Variants in CELSR1 observed in about 807,000 individuals in gnomAD.
The protein encoded by CELSR1 is adhesion G protein-coupled receptor C1.
In CELSR1, 110 loss-of-function variants were observed where a neutral mutation model predicts 249.1. The ratio of observed to expected loss-of-function variants is 0.44; its 90% CI spans 0.38 to 0.52. The LOEUF is 0.52. CELSR1 is among the 20% of genes least tolerant of loss of function. CELSR1 has a pLI of 0.00. For synonymous variants in CELSR1, 2,113 were observed against 1,900.0 expected (o/e 1.11, Z -2.92); for missense variants, 4,109 against 4,296.4 (o/e 0.96, Z 1.22).
intron 2 of CELSR1, among the ~76,000 whole-genome samples, chr22:46,457,316 GC>G (rs1294987116): frequency 6.6e-6 from 1 of 152,010 alleles, no homozygotes; most frequent in Non-Finnish European, 1.5e-5. Context: ...CTGCACTCCA[GC>G]CCGGGCAACA....
intron 24 of CELSR1, among the ~76,000 whole-genome samples, 171 bp downstream of exon 24, chr22:46,376,890 A>G (rs1303976016): frequency 6.6e-6 from 1 of 151,848 alleles, no homozygotes; most frequent in Admixed American, 6.5e-5. Context: ...TGAATCCCAC[A>G]TCTCCACCCA....
rs1240223329 is a variant in CELSR1, at chr22:46,430,143, G to A, written c.4611+3250C>T. Among the ~76,000 whole-genome samples the A allele has an allele frequency of 6.6e-6, 1 of 152,196 alleles. No homozygotes were observed. Among genetic ancestry groups the A allele is most frequent in the African/African-American group, 2.4e-5 (1 of 41,442 alleles). The stretch of plus-strand genomic sequence containing the variant: ...TCATGCTCAGATCTAAAATGCAGGT[G>A]GCCCACACCTCAGAGACACAGCCAC... On this transcript the variant is annotated intron_variant, in intron 5 of 34. Coordinates refer to ENST00000674500, the MANE Select transcript of CELSR1 (RefSeq NM_001378328.1). The surrounding 1 kb of genome is among the most constrained non-coding windows in gnomAD (Gnocchi z 4.6).
intron 2 of CELSR1, among the ~76,000 whole-genome samples, chr22:46,452,335 C>T (rs2079895469): frequency 1.3e-5 from 2 of 152,268 alleles, no homozygotes; most frequent in Non-Finnish European, 2.9e-5. Flanking sequence ...CTTATGGCAC[C>T]GGGAAGACAG....
chr22:46,408,604 G>A lies in CELSR1; in HGVS notation c.5226+392C>T, dbSNP rs2079293305. On this transcript the variant is annotated intron_variant, in intron 9 of 34. Coordinates refer to ENST00000674500, the MANE Select transcript of CELSR1 (RefSeq NM_001378328.1). This position sits in a 1 kb window ranked among gnomAD's most constrained non-coding sequence, Gnocchi z 4.6. ...CCGGCCTCCGCCACCCAAAGTGTTGGGATTACAGGCATGAGCCACCACCCC... is the reference window on the plus strand; with the variant it reads ...CCGGCCTCCGCCACCCAAAGTGTTGAGATTACAGGCATGAGCCACCACCCC... 6.6e-6 allele frequency among the ~76,000 whole-genome samples: 1 copy of A among 152,182 alleles called. No individual in the cohort carries two copies. The highest frequency in any genetic ancestry group is 1.5e-5 in the Non-Finnish European group (1 of 68,026).
rs1461079267 is a variant in CELSR1, at chr22:46,464,355, C to T, written c.3545-10G>A. The T allele has an allele frequency of 6.2e-7, 1 of 1,604,470 alleles. No individual in the cohort carries two copies. The highest frequency in any genetic ancestry group is 1.1e-5 in the South Asian group (1 of 90,270). On this transcript the variant is annotated splice_polypyrimidine_tract_variant and intron_variant, in intron 1 of 34. Transcript: ENST00000674500. This position sits in a 1 kb window ranked among gnomAD's most constrained non-coding sequence, Gnocchi z 8.5. Reference sequence around the variant, plus strand: ...ACGCTGTGGATGCCATCTGCAGACACAAGGAAAGTCAGGGTCATTCAGATG... The same window carrying T: ...ACGCTGTGGATGCCATCTGCAGACATAAGGAAAGTCAGGGTCATTCAGATG...
At chr22:46,499,987 A>C (rs2080450824) in intron 1 of CELSR1, among the ~76,000 whole-genome samples, 5 of 151,654 alleles carry the variant, frequency 3.3e-5, no homozygotes, top group Admixed American at 2.6e-4. Context: ...CTGAATGTCC[A>C]TTTCCACCCC....
intron 1 of CELSR1, among the ~76,000 whole-genome samples, chr22:46,492,075 G>A (rs530240845): frequency 6.6e-6 from 1 of 152,224 alleles, no homozygotes; most frequent in South Asian, 2.1e-4. Context: ...CAACTGCCAC[G>A]AGAAGGCAAC....
chr22:46,418,953 C>T (rs1044702555), intron 5 of CELSR1, among the ~76,000 whole-genome samples: 1 of 152,154 alleles, frequency 6.6e-6, no homozygotes, highest in Admixed American at 6.5e-5. Context: ...GGCAGGAGTC[C>T]CCTGGGCATG....
intron 1 of CELSR1, among the ~76,000 whole-genome samples, chr22:46,504,042 A>G (rs5767233): frequency 0.77 from 116,768 of 151,744 alleles, 45,304 homozygotes; most frequent in East Asian, 0.98. Flanking sequence ...AAGAAGAGAA[A>G]AAGAAAAACA....
At chr22:46,443,180 G>C (rs1478049588) in intron 2 of CELSR1, among the ~76,000 whole-genome samples, 2 of 152,200 alleles carry the variant, frequency 1.3e-5, no homozygotes, top group African/African-American at 2.4e-5. Flanking sequence ...TCGAGAACGA[G>C]GAGGGCTGAA....
In CELSR1 at chr22:46,409,029, G is replaced by A. The variant is rs1369295947; in HGVS notation, c.5193C>T (p.Ala1731=). The change falls in exon 9 of 35, where the codon GCC becomes GCT. Residue 1731 remains alanine, a synonymous_variant. Transcript: ENST00000674500. The surrounding 1 kb of genome is among the most constrained non-coding windows in gnomAD (Gnocchi z 9.8). ...TRKEDSVLME[A]TSGGPTSFRL... ...GAAAGCTGGTGGGCCCACCACTGGT[G>A]GCCTCCATCAGAACGCTGTCCTCCT... 3 of 1,612,152 alleles carry A rather than the reference G, an allele frequency of 1.9e-6. No individual in the cohort carries two copies. The highest frequency in any genetic ancestry group is 8.5e-7 in the Non-Finnish European group (1 of 1,179,380).
chr22:46,511,503 C>T (rs571990287), intron 1 of CELSR1, among the ~76,000 whole-genome samples: 6 of 152,348 alleles, frequency 3.9e-5, no homozygotes, highest in African/African-American at 1.4e-4. Flanking sequence ...AGTGACTGTG[C>T]TGAGCTTCTT....
intron 28 of CELSR1, 81 bp from the exon 29 acceptor site, chr22:46,367,199 TACAGCCTTGAGTGC>T (rs2078795364): frequency 1.3e-6 from 2 of 1,519,746 alleles, no homozygotes; most frequent in East Asian, 4.7e-5. Flanking sequence ...CAGATGCGCA[TACAGCCTTGAGTGC>T]ACACAACATG....
chr22:46,407,428 G>A lies in CELSR1; in HGVS notation c.5226+1568C>T, dbSNP rs188025333. Among the ~76,000 whole-genome samples the A allele has an allele frequency of 3.7e-4, 56 of 152,200 alleles. 5 individuals carry two copies. In the East Asian group the frequency reaches 5.0e-3, roughly 14 times the overall value. ...GTGGATCACCTGAGGTCAGGAGTTC[G>A]AGACCAGCCTGGTCAACATAGCAAA... On this transcript the variant is annotated intron_variant, in intron 9 of 34. Transcript: ENST00000674500. This position sits in a 1 kb window ranked among gnomAD's most constrained non-coding sequence, Gnocchi z 4.8.
Position 46,437,585 on chromosome 22 carries a change from T to C in CELSR1, c.4407-1296A>G, listed in dbSNP as rs2079678534. ...GGCCAACATGGTGAAACCCCGTCTC[T>C]ACTAAAAATACGAAAATTAGCCGGG... On this transcript the variant is annotated intron_variant, in intron 3 of 34. Coordinates refer to ENST00000674500, the MANE Select transcript of CELSR1 (RefSeq NM_001378328.1). The surrounding 1 kb of genome is among the most constrained non-coding windows in gnomAD (Gnocchi z 4.9). Among the ~76,000 whole-genome samples the C allele has an allele frequency of 6.6e-6, 1 of 152,078 alleles. No homozygotes were observed. The highest frequency in any genetic ancestry group is 1.5e-5 in the Non-Finnish European group (1 of 68,024).
chr22:46,438,080 C>T (rs762400769), intron 3 of CELSR1, among the ~76,000 whole-genome samples: 3 of 152,026 alleles, frequency 2.0e-5, no homozygotes, highest in Admixed American at 6.6e-5. Flanking sequence ...ACACGTACAC[C>T]GCTGGCGACG....
rs956920284 is a variant in CELSR1 at position 46,506,293 on chromosome 22, G to T, written c.3544+27334C>A. 6.6e-6 allele frequency among the ~76,000 whole-genome samples: 1 copy of T among 152,188 alleles called. No individual in the cohort carries two copies. Among genetic ancestry groups the T allele is most frequent in the Non-Finnish European group, 1.5e-5 (1 of 68,028 alleles). The stretch of plus-strand genomic sequence containing the variant: ...ACCCGCCATGATCCCTCCAAGCCTG[G>T]CACCTCCACCGTGCCTGGCCTGGGG... On this transcript the variant is annotated intron_variant, in intron 1 of 34. Coordinates refer to ENST00000674500, the MANE Select transcript of CELSR1 (RefSeq NM_001378328.1). The surrounding 1 kb of genome is among the most constrained non-coding windows in gnomAD (Gnocchi z 4.1).
Position 46,361,488 on chromosome 22 carries a change from A to T in CELSR1, c.*1735T>A, listed in dbSNP as rs1176038024. ...AGTCATGAAAGGAGACTGTTCGAAG[A>T]CTTAAAAACCTTTTCGTACTTAGGA... On this transcript the variant is annotated 3_prime_UTR_variant, in exon 35 of 35. Coordinates refer to ENST00000674500, the MANE Select transcript of CELSR1 (RefSeq NM_001378328.1). The T allele has an allele frequency of 1.3e-5, 2 of 152,342 alleles. No individual in the cohort carries two copies. Among genetic ancestry groups the T allele is most frequent in the African/African-American group, 4.8e-5 (2 of 41,470 alleles). The allele number at this position is 152,342 out of a possible 1,614,324, so 9.4% of individuals were successfully genotyped here.
At chr22:46,369,050 C>T (rs1050079106) in intron 27 of CELSR1, 129 bp downstream of exon 27, 2 of 811,340 alleles carry the variant, frequency 2.5e-6, no homozygotes, top group Non-Finnish European at 4.1e-6. Flanking sequence ...CTGGGGCTCA[C>T]CCAGGCTGCC....
Sources: allele counts gnomAD v4.1 joint callset (sites outside exome capture counted in the v4.1 genomes callset), GRCh38; gene constraint gnomAD v4.1.1; non-coding constraint Gnocchi (gnomAD v3.1); transcripts MANE v1.5; gene names NCBI Gene and HGNC (gene_info 2026-07-23, HGNC 2026-07-21).